Variants in CLCN3 observed in about 807,000 individuals in gnomAD.
CLCN3 encodes the protein Cl-/H+ antiporter 3, also known as H(+)/Cl(-) exchange transporter 3.
Under a neutral mutation model 83.4 loss-of-function variants are expected in CLCN3, and 16 were observed. The ratio of observed to expected loss-of-function variants is 0.19; its 90% confidence interval spans 0.13 to 0.29. The LOEUF (loss-of-function observed/expected upper bound fraction) is 0.29. Among genes scored for constraint, CLCN3 ranks in the 10% least tolerant of loss-of-function variants. The probability of loss-of-function intolerance (pLI) is 1.00; values close to 1 mark genes in which losing one functional copy is unlikely to be tolerated. For missense variants in CLCN3, 544 were observed against 1,006.0 expected, an observed-to-expected ratio of 0.54 and a Z score of 6.21; for synonymous variants, 322 against 346.2, an observed-to-expected ratio of 0.93 and a Z score of 0.78.
chr4:169,713,025 C>A, intron 11 of CLCN3, 54 bp from the exon 12 acceptor site: 1 of 1,300,970 alleles, frequency 7.7e-7, no homozygotes, highest in Non-Finnish European at 1.1e-6. Context: ...AAACAGGTTG[C>A]CTACTTAAAA....
chr4:169,678,859 A>G (rs1454928311), intron 2 of CLCN3, among the ~76,000 whole-genome samples: 2 of 152,124 alleles, frequency 1.3e-5, no homozygotes, highest in Non-Finnish European at 1.5e-5. Context: ...TCTTTTCCCC[A>G]TATTTCCCCT....
intron 1 of CLCN3, among the ~76,000 whole-genome samples, chr4:169,632,277 C>A (rs746173751): frequency 1.4e-4 from 22 of 152,104 alleles, no homozygotes; most frequent in Non-Finnish European, 2.5e-4. Context: ...ATTGAAAGAT[C>A]AGTGAGTCTA....
At chr4:169,681,278 C>T (rs891718319) in intron 3 of CLCN3, among the ~76,000 whole-genome samples, 2 of 152,094 alleles carry the variant, frequency 1.3e-5, no homozygotes, top group Non-Finnish European at 2.9e-5. Flanking sequence ...AGACTCCTGG[C>T]CTCAAGTGAT....
intron 7 of CLCN3, among the ~76,000 whole-genome samples, chr4:169,694,854 AAT>A (rs1305181351): frequency 1.3e-5 from 2 of 152,198 alleles, no homozygotes; most frequent in African/African-American, 2.4e-5. Context: ...AAAATAAAGG[AAT>A]ACAGACTCTT....
At position 169,700,906 on chromosome 4, in the gene CLCN3, G is replaced by T. The variant is rs148613545; in HGVS notation, c.1564-3092G>T. Among the ~76,000 whole-genome samples the T allele has an allele frequency of 8.2e-3, 1,243 of 152,328 alleles. 20 individuals carry two copies. Among genetic ancestry groups the T allele is most frequent in the African/African-American group, 0.029 (1,192 of 41,572 alleles). On this transcript the variant is annotated intron_variant, in intron 9 of 12. Transcript: ENST00000513761. ...TAGTAATCTGAGTCTTCAGTGAATT[G>T]TAATCTGTTTTGCTTCTGTAGGGTC...
At chr4:169,717,666 C>A in intron 12 of CLCN3, 1 of 520,842 alleles carries the variant, frequency 1.9e-6, no homozygotes, top group Non-Finnish European at 3.3e-6. Context: ...TTTTTATTTT[C>A]TAAAGTTCAT....
chr4:169,707,489 A>G (rs1733038984), intron 11 of CLCN3, among the ~76,000 whole-genome samples: 1 of 152,130 alleles, frequency 6.6e-6, no homozygotes, highest in Non-Finnish European at 1.5e-5. Context: ...TTGATCTGGC[A>G]TTGTACCAGA....
At chr4:169,710,132 T>C (rs867129128) in intron 11 of CLCN3, among the ~76,000 whole-genome samples, 26 of 152,332 alleles carry the variant, frequency 1.7e-4, no homozygotes, top group Middle Eastern at 3.4e-3. Context: ...TTGATAAAAA[T>C]TGTATGTATG....
intron 2 of CLCN3, among the ~76,000 whole-genome samples, chr4:169,655,622 G>T (rs1038069213): frequency 1.3e-5 from 2 of 152,074 alleles, no homozygotes; most frequent in Non-Finnish European, 2.9e-5. Flanking sequence ...AGCCTCCTGC[G>T]TAGCTAGGAC....
At chr4:169,684,436 T>C (rs1732074248) in intron 3 of CLCN3, among the ~76,000 whole-genome samples, 1 of 152,214 alleles carries the variant, frequency 6.6e-6, no homozygotes, top group Admixed American at 6.5e-5. Flanking sequence ...AGTATATTTG[T>C]GGTTTAATCA....
At chr4:169,648,131 C>T (rs1200488170) in intron 2 of CLCN3, among the ~76,000 whole-genome samples, 1 of 152,104 alleles carries the variant, frequency 6.6e-6, no homozygotes, top group African/African-American at 2.4e-5. Flanking sequence ...TAGCTAAATG[C>T]AATGTGGATC....
intron 2 of CLCN3, among the ~76,000 whole-genome samples, chr4:169,672,073 G>C (rs111859532): frequency 6.6e-6 from 1 of 151,864 alleles, no homozygotes; most frequent in Admixed American, 6.6e-5. Flanking sequence ...TTAGCCGGGC[G>C]TGGTGGTGGG....
intron 2 of CLCN3, chr4:169,660,266 A>G: frequency 7.9e-7 from 1 of 1,266,590 alleles, no homozygotes; most frequent in Non-Finnish European, 9.9e-7. Flanking sequence ...CAAATATGGC[A>G]TCTCCCTTGC....
intron 2 of CLCN3, among the ~76,000 whole-genome samples, chr4:169,637,500 G>A (rs1730251932): frequency 6.6e-6 from 1 of 151,720 alleles, no homozygotes; most frequent in Admixed American, 6.6e-5. Flanking sequence ...AATAAAAATG[G>A]AAAAGAAAAA....
intron 2 of CLCN3, chr4:169,660,339 CT>C: frequency 7.3e-7 from 1 of 1,379,036 alleles, no homozygotes; most frequent in South Asian, 1.8e-5. Flanking sequence ...TTTTCTTTTT[CT>C]TTTTCTTCTT....
In CLCN3 at chr4:169,699,099, G is replaced by A. The variant is rs117113952; in HGVS notation, c.1563+1365G>A. 1.7e-3 allele frequency among the ~76,000 whole-genome samples: 262 copies of A among 152,212 alleles called. 7 individuals are homozygous for A. The East Asian group carries it at 0.041, about 24-fold the overall frequency. On this transcript the variant is annotated intron_variant, in intron 9 of 12. Coordinates refer to ENST00000513761, the MANE Select transcript of CLCN3 (RefSeq NM_001829.4). ...CCTTGATTCCTCCTTGCCATGCAAC[G>A]TAATGTAATCACAGGTTCTGGGAAT...
At position 169,692,153 on chromosome 4, in the gene CLCN3, T is replaced by C; in HGVS notation, c.769T>C (p.Leu257=). ...AAGTGGATTCATCATCAGAGGTTAC[T>C]TGGGAAAATGGACTTTAATGATTAA... is the stretch of plus-strand genomic sequence containing the variant. ...ILSGFIIRGY[L]GKWTLMIKTI... The change falls in exon 7 of 13, where the codon TTG becomes CTG. Residue 257 remains leucine (L), a synonymous_variant. Coordinates refer to ENST00000513761, the MANE Select transcript of CLCN3 (RefSeq NM_001829.4). 6.2e-7 allele frequency: 1 copy of C among 1,611,446 alleles called. No homozygotes were observed.
chr4:169,707,604 A>G (rs1733042966), intron 11 of CLCN3, among the ~76,000 whole-genome samples: 1 of 152,218 alleles, frequency 6.6e-6, no homozygotes, highest in African/African-American at 2.4e-5. Context: ...CATTCAGTCA[A>G]ATACATTCTT....
intron 7 of CLCN3, among the ~76,000 whole-genome samples, chr4:169,694,699 C>T (rs532220423): frequency 2.6e-4 from 39 of 152,082 alleles, no homozygotes; most frequent in African/African-American, 6.0e-4. Context: ...ATTAGCCGGG[C>T]GTGGTGGCAG....
Sources: allele counts gnomAD v4.1 joint callset (sites outside exome capture counted in the v4.1 genomes callset), GRCh38; gene constraint gnomAD v4.1.1; transcripts MANE v1.5; gene names NCBI Gene and HGNC (gene_info 2026-07-23, HGNC 2026-07-21).